Variants in TMTC4 observed in about 807,000 individuals in gnomAD.
The protein encoded by TMTC4 is protein O-mannosyl-transferase TMTC4.
A neutral mutation model predicts 86.0 loss-of-function variants in TMTC4; 65 were observed. That is an observed-to-expected ratio of 0.76 (90% confidence interval 0.62 to 0.93). The LOEUF is 0.93. TMTC4 is among the 40% of genes least tolerant of loss of function. The probability of loss-of-function intolerance (pLI) is 0.00; values close to 1 mark genes in which losing one functional copy is unlikely to be tolerated. For missense variants in TMTC4, 866 were observed against 948.1 expected (o/e 0.91, Z 1.14); for synonymous variants, 379 against 382.5 (o/e 0.99, Z 0.11).
intron 5 of TMTC4, among the ~76,000 whole-genome samples, chr13:100,658,162 G>A (rs1198034448): frequency 1.3e-5 from 2 of 152,214 alleles, no homozygotes; most frequent in Non-Finnish European, 2.9e-5. Flanking sequence ...CAGGGACACA[G>A]TAAAATAGTC....
intron 15 of TMTC4, among the ~76,000 whole-genome samples, chr13:100,621,345 C>A (rs9513772): frequency 0.33 from 49,812 of 152,092 alleles, 8,654 homozygotes; most frequent in East Asian, 0.4. Flanking sequence ...TGTGGGCAGA[C>A]CCACTCACTT....
At chr13:100,625,317 C>A (rs989656246) in intron 15 of TMTC4, 8 of 601,224 alleles carry the variant, frequency 1.3e-5, no homozygotes, top group African/African-American at 1.3e-4. Flanking sequence ...GCGTGGGTGA[C>A]CTCTTAAACT....
At chr13:100,657,046 A>G (rs759395160) in intron 5 of TMTC4, among the ~76,000 whole-genome samples, 14 of 152,138 alleles carry the variant, frequency 9.2e-5, no homozygotes, top group Non-Finnish European at 1.9e-4. Context: ...ATTCTGCTGG[A>G]CACAGACGGC....
chr13:100,635,114 G>T lies in TMTC4; in HGVS notation c.1284C>A (p.Val428=). The change falls in exon 11 of 19, where the codon GTC becomes GTA. Residue 428 remains valine, a synonymous_variant. Transcript: ENST00000342624. ...SNLFFRVGFV[V]AERVLYLPSV... ...TGGGGAGGTAGAGGACACGCTCTGCGACCACGAAGCCCACTCGGAAGAACA... is the reference window on the plus strand; with the variant it reads ...TGGGGAGGTAGAGGACACGCTCTGCTACCACGAAGCCCACTCGGAAGAACA... The T allele has an allele frequency of 6.2e-7, 1 of 1,614,084 alleles. No homozygotes were observed. Among genetic ancestry groups the T allele is most frequent in the Non-Finnish European group, 8.5e-7 (1 of 1,180,020 alleles).
At chr13:100,644,355 G>A (rs1260583678) in intron 6 of TMTC4, among the ~76,000 whole-genome samples, 1 of 152,002 alleles carries the variant, frequency 6.6e-6, no homozygotes, top group Non-Finnish European at 1.5e-5. Context: ...CGCCTACCTT[G>A]GCCTCCCAAA....
intron 12 of TMTC4, among the ~76,000 whole-genome samples, chr13:100,626,658 A>C (rs1253601867): frequency 6.6e-6 from 1 of 151,948 alleles, no homozygotes; most frequent in East Asian, 1.9e-4. Flanking sequence ...AATTCCCCTC[A>C]CCTACACACT....
At position 100,609,701 on chromosome 13, in the gene TMTC4, A is replaced by ACACC. The variant is rs1346446554; in HGVS notation, c.2064+2696_2064+2697insGGTG. On this transcript the variant is annotated intron_variant, in intron 17 of 18. Transcript: ENST00000342624. ...TATATACACACACACACACACACACACCCATACATATATACATATACATAT... is the reference window on the plus strand; with the variant it reads ...TATATACACACACACACACACACACACACCCCCATACATATATACATATACATAT... Among the ~76,000 whole-genome samples the ACACC allele has an allele frequency of 1.8e-3, 270 of 151,838 alleles. 1 individual carries two copies. Among genetic ancestry groups the ACACC allele is most frequent in the African/African-American group, 5.8e-3 (239 of 41,390 alleles).
intron 17 of TMTC4, among the ~76,000 whole-genome samples, chr13:100,609,244 G>T (rs1877164484): frequency 6.6e-6 from 1 of 152,170 alleles, no homozygotes; most frequent in Admixed American, 6.5e-5. Context: ...GCCAGCAATA[G>T]TATCTAGCTG....
chr13:100,632,232 C>G (rs1436933159), intron 12 of TMTC4, among the ~76,000 whole-genome samples: 6 of 152,122 alleles, frequency 3.9e-5, no homozygotes, highest in Admixed American at 3.9e-4. Flanking sequence ...TTACTAGAGG[C>G]ACCTGGGCAC....
At chr13:100,634,492 G>A (rs866672767) in intron 12 of TMTC4, among the ~76,000 whole-genome samples, 3 of 152,062 alleles carry the variant, frequency 2.0e-5, no homozygotes, top group Admixed American at 1.3e-4. Context: ...GTCTGAATAC[G>A]CAATGTCACC....
chr13:100,643,179 CTCT>C (rs1215648343), intron 6 of TMTC4, among the ~76,000 whole-genome samples: 76 of 152,220 alleles, frequency 5.0e-4, no homozygotes, highest in African/African-American at 4.8e-5. Flanking sequence ...GAAGTCCCCA[CTCT>C]TCATCTAAAT....
In TMTC4 at chr13:100,668,804, A is replaced by G; in HGVS notation, c.4-10T>C. The G allele has an allele frequency of 6.2e-7, 1 of 1,613,804 alleles. No homozygotes were observed. Among genetic ancestry groups the G allele is most frequent in the Non-Finnish European group, 8.5e-7 (1 of 1,179,812 alleles). On this transcript the variant is annotated splice_polypyrimidine_tract_variant and intron_variant, in intron 2 of 18. Coordinates refer to ENST00000342624, the MANE Select transcript of TMTC4 (RefSeq NM_032813.5). Reference sequence around the variant, plus strand: ...TATGCTGGTTAGGAATCTGCAGGAAAAACAACACTGTATAAATATTCATCA... The same window carrying G: ...TATGCTGGTTAGGAATCTGCAGGAAGAACAACACTGTATAAATATTCATCA...
At chr13:100,632,053 A>ACACACACACACACT (rs1296569630) in intron 12 of TMTC4, among the ~76,000 whole-genome samples, 280 of 43,034 alleles carry the variant, frequency 6.5e-3, no homozygotes, top group Non-Finnish European at 9.2e-3. Flanking sequence ...ACACACACAC[A>ACACACACACACACT]CTCTCTCTCT....
chr13:100,614,573 T>C, intron 15 of TMTC4, 143 bp from the exon 16 acceptor site: 2 of 621,230 alleles, frequency 3.2e-6, no homozygotes, highest in Non-Finnish European at 5.5e-6. Flanking sequence ...TTATGGAGCT[T>C]CTAGTTTTTC....
At chr13:100,635,690 T>G (rs1009537736) in intron 10 of TMTC4, 7 of 153,288 alleles carry the variant, frequency 4.6e-5, no homozygotes, top group African/African-American at 1.7e-4. Context: ...ATTTTTTGGT[T>G]GCTACATCAC....
chr13:100,606,974 CT>C (rs937797044), intron 17 of TMTC4, among the ~76,000 whole-genome samples: 1 of 152,180 alleles, frequency 6.6e-6, no homozygotes, highest in African/African-American at 2.4e-5. Flanking sequence ...CCAAATGCCC[CT>C]GATGGGTGTG....
chr13:100,617,769 G>A (rs1878745533), intron 15 of TMTC4, among the ~76,000 whole-genome samples: 1 of 152,236 alleles, frequency 6.6e-6, no homozygotes, highest in African/African-American at 2.4e-5. Flanking sequence ...CAGGTAATGT[G>A]ATGCCTCTGG....
Position 100,670,373 on chromosome 13 carries a change from T to A in TMTC4, c.-11A>T. ...AACGGGACACACCATTCCATGGTGA[T>A]GCTGTCCCCTTCCAGGGGCCAGAAG... On this transcript the variant is annotated 5_prime_UTR_variant, in exon 2 of 19. Coordinates refer to ENST00000342624, the MANE Select transcript of TMTC4 (RefSeq NM_032813.5). 1 of 1,607,528 alleles carries A rather than the reference T, an allele frequency of 6.2e-7. No homozygotes were observed. The highest frequency in any genetic ancestry group is 1.1e-5 in the South Asian group (1 of 89,688).
At chr13:100,614,946 C>T in intron 15 of TMTC4, 4 of 985,290 alleles carry the variant, frequency 4.1e-6, no homozygotes, top group Non-Finnish European at 4.8e-6. Context: ...AGGGTGGTCT[C>T]AGGGCCTCTT....
Sources: allele counts gnomAD v4.1 joint callset (sites outside exome capture counted in the v4.1 genomes callset), GRCh38; gene constraint gnomAD v4.1.1; transcripts MANE v1.5; gene names NCBI Gene and HGNC (gene_info 2026-07-23, HGNC 2026-07-21).